The following TTC29 variants were observed in gnomAD, a reference collection of about 807,000 sequenced individuals.
TTC29 encodes tetratricopeptide repeat protein 29.
In TTC29, 49 loss-of-function variants were observed where a neutral mutation model predicts 58.1. The ratio of observed to expected loss-of-function variants is 0.84; its 90% confidence interval spans 0.67 to 1.07. The LOEUF is 1.07. Among genes scored for constraint, TTC29 ranks in the 50% least tolerant of loss-of-function variants. The pLI, the probability that TTC29 is intolerant of heterozygous loss-of-function variation, is 0.00. For synonymous variants in TTC29, 209 were observed against 196.8 expected (o/e 1.06, Z -0.52); for missense variants, 582 against 555.6 (o/e 1.05, Z -0.48).
Position 146,718,983 on chromosome 4 carries a change from T to C in TTC29, c.1331-11432A>G, listed in dbSNP as rs545563966. Among the ~76,000 whole-genome samples, 8 of 152,302 alleles carry C rather than the reference T, an allele frequency of 5.3e-5. No homozygotes were observed. The East Asian group carries it at 1.5e-3, about 29-fold the overall frequency. ...ACTGTCCTTTTTCTATTGTGTATTCTTGGCACCTTTCTTGAAAATCAATTG... is the reference window on the plus strand; with the variant it reads ...ACTGTCCTTTTTCTATTGTGTATTCCTGGCACCTTTCTTGAAAATCAATTG... On this transcript the variant is annotated intron_variant, in intron 11 of 12. Transcript: ENST00000325106.
intron 4 of TTC29, among the ~76,000 whole-genome samples, chr4:146,928,450 C>T (rs1424381844): frequency 6.6e-6 from 1 of 152,098 alleles, no homozygotes; most frequent in East Asian, 1.9e-4. Context: ...ATTATTTTTG[C>T]AAGAAGATGA....
intron 4 of TTC29, among the ~76,000 whole-genome samples, chr4:146,922,540 G>T (rs897513795): frequency 6.6e-6 from 1 of 151,752 alleles, no homozygotes; most frequent in African/African-American, 2.4e-5. Flanking sequence ...TGTGCCAGGT[G>T]CTGTTTTCAA....
At chr4:146,804,561 A>C (rs1750467851) in intron 10 of TTC29, among the ~76,000 whole-genome samples, 1 of 152,068 alleles carries the variant, frequency 6.6e-6, no homozygotes, top group Admixed American at 6.5e-5. Context: ...AGGGGGGCCC[A>C]CCATTATGGA....
At chr4:146,752,347 A>ATCCAACT (rs1310122967) in intron 11 of TTC29, among the ~76,000 whole-genome samples, 165 of 83,304 alleles carry the variant, frequency 2.0e-3, no homozygotes, top group Middle Eastern at 5.0e-3. Context: ...ATAACAAGGG[A>ATCCAACT]TGTGAAGGAC....
At chr4:146,932,823 G>T (rs1161364419) in intron 4 of TTC29, among the ~76,000 whole-genome samples, 2 of 152,156 alleles carry the variant, frequency 1.3e-5, no homozygotes, top group Non-Finnish European at 2.9e-5. Context: ...TTGGGAGGCT[G>T]AAGTGGGTGG....
chr4:146,742,657 CTTCT>C (rs1235266635), intron 11 of TTC29, among the ~76,000 whole-genome samples: 1 of 136,624 alleles, frequency 7.3e-6, no homozygotes, highest in Non-Finnish European at 1.6e-5. Context: ...TCCTTCCTTC[CTTCT>C]TTACTTCAAT....
At chr4:146,907,312 G>C (rs1230580558) in intron 5 of TTC29, among the ~76,000 whole-genome samples, 4 of 152,050 alleles carry the variant, frequency 2.6e-5, no homozygotes, top group Admixed American at 2.0e-4. Flanking sequence ...GACACCTTAT[G>C]ACAAGTGACA....
intron 11 of TTC29, among the ~76,000 whole-genome samples, chr4:146,758,269 C>T (rs1746606094): frequency 6.6e-6 from 1 of 152,032 alleles, no homozygotes. Flanking sequence ...GATAAAAGGC[C>T]TTGTCCAACA....
At chr4:146,888,776 C>CT (rs370788823) in intron 6 of TTC29, among the ~76,000 whole-genome samples, 1 of 152,026 alleles carries the variant, frequency 6.6e-6, no homozygotes, top group Non-Finnish European at 1.5e-5. Context: ...ACTAATCATT[C>CT]TTTTTTTATG....
chr4:146,839,572 G>GTGTA lies in TTC29; in HGVS notation c.886-5676_886-5675insTACA, dbSNP rs1491193319. Among the ~76,000 whole-genome samples the GTGTA allele has an allele frequency of 1.2e-4, 18 of 149,200 alleles. No individual in the cohort carries two copies. The East Asian group carries it at 3.5e-3, about 29-fold the overall frequency. On this transcript the variant is annotated intron_variant, in intron 8 of 12. Coordinates refer to ENST00000325106, the MANE Select transcript of TTC29 (RefSeq NM_031956.4). ...TGTGTGTGTGTGTGTGTGTGTGTGTGTAAGTTTTATGCTATTTTATCACAT... is the reference window on the plus strand; with the variant it reads ...TGTGTGTGTGTGTGTGTGTGTGTGTGTGTATAAGTTTTATGCTATTTTATCACAT...
At chr4:146,812,703 T>C (rs1191008020) in intron 10 of TTC29, 1 of 152,204 alleles carries the variant, frequency 6.6e-6, no homozygotes, top group Non-Finnish European at 1.5e-5. Context: ...TTTAAAACAC[T>C]ACTAAAGAAA....
At chr4:146,711,235 T>A (rs993455045) in intron 11 of TTC29, among the ~76,000 whole-genome samples, 2 of 152,272 alleles carry the variant, frequency 1.3e-5, no homozygotes, top group Admixed American at 1.3e-4. Flanking sequence ...ACAGTAGTCA[T>A]TACCTTAAAT....
intron 11 of TTC29, among the ~76,000 whole-genome samples, chr4:146,757,049 CT>C (rs1746505619): frequency 6.6e-6 from 1 of 152,030 alleles, no homozygotes; most frequent in Non-Finnish European, 1.5e-5. Flanking sequence ...GGGATTTCTT[CT>C]TGGTTTGGAT....
chr4:146,896,773 A>C (rs916193135), intron 6 of TTC29, among the ~76,000 whole-genome samples: 6 of 151,924 alleles, frequency 3.9e-5, no homozygotes, highest in Admixed American at 2.0e-4. Flanking sequence ...TCAGTTTTTC[A>C]TTGTGTCAAT....
chr4:146,777,264 G>A, intron 11 of TTC29, among the ~76,000 whole-genome samples: 1 of 152,198 alleles, frequency 6.6e-6, no homozygotes, highest in East Asian at 1.9e-4. Context: ...ATAACAGAAT[G>A]TCTGCCTTCC....
intron 11 of TTC29, among the ~76,000 whole-genome samples, chr4:146,729,522 G>A (rs1744172848): frequency 6.6e-6 from 1 of 152,050 alleles, no homozygotes; most frequent in Non-Finnish European, 1.5e-5. Flanking sequence ...ATCTTTGATT[G>A]TAGAGCTTGG....
At chr4:146,937,792 T>C in intron 3 of TTC29, 115 bp from the exon 4 acceptor site, 1 of 550,176 alleles carries the variant, frequency 1.8e-6, no homozygotes, top group East Asian at 3.4e-5. Flanking sequence ...CCATATGTAA[T>C]AAACGCAATA....
intron 11 of TTC29, among the ~76,000 whole-genome samples, chr4:146,756,046 A>C (rs574019652): frequency 8.5e-5 from 13 of 152,216 alleles, no homozygotes; most frequent in African/African-American, 2.9e-4. Flanking sequence ...AGGCCGAGGC[A>C]GGTGGATCAT....
intron 5 of TTC29, among the ~76,000 whole-genome samples, chr4:146,906,841 G>T (rs1324079772): frequency 2.0e-5 from 3 of 152,230 alleles, no homozygotes; most frequent in Non-Finnish European, 4.4e-5. Flanking sequence ...TGGACTTTGG[G>T]CCAGGTGCGG....
Sources: allele counts gnomAD v4.1 joint callset (sites outside exome capture counted in the v4.1 genomes callset), GRCh38; gene constraint gnomAD v4.1.1; transcripts MANE v1.5; gene names NCBI Gene and HGNC (gene_info 2026-07-23, HGNC 2026-07-21).